PPP2R2B: variants seen among roughly 807,000 people sequenced by gnomAD.
PPP2R2B encodes the protein serine/threonine-protein phosphatase 2A 55 kDa regulatory subunit B beta isoform.
A neutral mutation model predicts 46.0 loss-of-function variants in PPP2R2B; 5 were observed. The ratio of observed to expected loss-of-function variants is 0.11; its 90% CI spans 0.06 to 0.23. The LOEUF is 0.23. Ranked by LOEUF, PPP2R2B falls within the 10% of genes least tolerant of loss-of-function variation. PPP2R2B has a pLI of 1.00. For synonymous variants in PPP2R2B, 215 were observed against 206.7 expected, an observed-to-expected ratio of 1.04 and a Z score of -0.34; for missense variants, 367 against 575.0, an observed-to-expected ratio of 0.64 and a Z score of 3.70.
intron 2 of PPP2R2B, among the ~76,000 whole-genome samples, chr5:146,822,001 C>T (rs10052621): frequency 0.011 from 1,604 of 152,304 alleles, 20 homozygotes; most frequent in African/African-American, 0.037. Context: ...CCAAGTAAGA[C>T]TAGAACTCAG....
chr5:146,766,280 T>C (rs1754471373), intron 2 of PPP2R2B, among the ~76,000 whole-genome samples: 1 of 152,168 alleles, frequency 6.6e-6, no homozygotes, highest in South Asian at 2.1e-4. Context: ...ATTCCAGTAT[T>C]TTTAGGTTTA....
At chr5:146,936,358 TC>T (rs1052716135) in intron 1 of PPP2R2B, among the ~76,000 whole-genome samples, 3 of 151,254 alleles carry the variant, frequency 2.0e-5, no homozygotes, top group Non-Finnish European at 4.4e-5. Context: ...ATCATCCCAC[TC>T]CCCCTCTGAG....
chr5:146,651,045 A>C (rs1202538126), intron 5 of PPP2R2B, among the ~76,000 whole-genome samples: 1 of 152,092 alleles, frequency 6.6e-6, no homozygotes, highest in Non-Finnish European at 1.5e-5. Context: ...CCTTCCAGAG[A>C]CATTGTTCTA....
At chr5:146,691,372 G>A (rs556675157) in intron 4 of PPP2R2B, 132 bp from the exon 5 acceptor site, 414 of 653,984 alleles carry the variant, frequency 6.3e-4, no homozygotes, top group Non-Finnish European at 1.0e-3. Flanking sequence ...TCACATAAAC[G>A]TTTGGCGTGC....
At position 146,626,352 on chromosome 5, in the gene PPP2R2B, A is replaced by G. The variant is rs767253903; in HGVS notation, c.790+11899T>C. On this transcript the variant is annotated intron_variant, in intron 7 of 9. Transcript: ENST00000394411. ...ATTCCCACCTTGTTATGATACTTAT[A>G]TGAATGTTAAAAGATTAATTCCTTG... is the stretch of plus-strand genomic sequence containing the variant. Among the ~76,000 whole-genome samples, 4 of 152,256 alleles carry G rather than the reference A, an allele frequency of 2.6e-5. No homozygotes were observed. In the South Asian group the frequency reaches 8.3e-4, roughly 32 times the overall value.
At chr5:147,043,058 T>G (rs1756388394) in intron 1 of PPP2R2B, among the ~76,000 whole-genome samples, 1 of 152,142 alleles carries the variant, frequency 6.6e-6, no homozygotes, top group South Asian at 2.1e-4. Context: ...CTATACAGTC[T>G]GGATTGTGGA....
At chr5:146,797,619 G>T (rs922383969) in intron 2 of PPP2R2B, among the ~76,000 whole-genome samples, 1 of 152,292 alleles carries the variant, frequency 6.6e-6, no homozygotes, top group Non-Finnish European at 1.5e-5. Context: ...TATCTACTGG[G>T]CATCTCCGAC....
intron 2 of PPP2R2B, among the ~76,000 whole-genome samples, chr5:147,076,546 T>A (rs1228619958): frequency 6.6e-6 from 1 of 152,160 alleles, no homozygotes; most frequent in Non-Finnish European, 1.5e-5. Flanking sequence ...ATATATTGTT[T>A]AAGTAATCAG....
intron 1 of PPP2R2B, among the ~76,000 whole-genome samples, chr5:146,928,664 C>T (rs1347688590): frequency 6.6e-6 from 1 of 152,138 alleles, no homozygotes; most frequent in Non-Finnish European, 1.5e-5. Context: ...CTCTCATATT[C>T]CATACTCAAC....
intron 2 of PPP2R2B, among the ~76,000 whole-genome samples, chr5:146,746,197 T>A (rs1753182032): frequency 6.6e-6 from 1 of 152,182 alleles, no homozygotes; most frequent in Admixed American, 6.5e-5. Context: ...TCCACCACTG[T>A]GCATAATCCT....
intron 1 of PPP2R2B, among the ~76,000 whole-genome samples, chr5:146,966,556 A>G (rs887281922): frequency 6.6e-6 from 1 of 152,122 alleles, no homozygotes; most frequent in African/African-American, 2.4e-5. Flanking sequence ...ATACCATTTT[A>G]TTTTATGCAA....
At chr5:146,812,724 TTA>T (rs764543835) in intron 2 of PPP2R2B, among the ~76,000 whole-genome samples, 291 of 15,044 alleles carry the variant, frequency 0.019, 40 homozygotes, top group African/African-American at 0.037. Flanking sequence ...TAGAGTTACT[TTA>T]TATATATATA....
rs182225405 is a variant in PPP2R2B at position 146,630,685 on chromosome 5, G to A, written c.790+7566C>T. 2.0e-4 allele frequency among the ~76,000 whole-genome samples: 30 copies of A among 152,302 alleles called. 1 individual carries two copies. The East Asian group carries it at 3.1e-3, about 16-fold the overall frequency. Reference sequence around the variant, plus strand: ...CAGTAAAATGTCATGGAAGTTAGCTGTGAATACGGCTGTTGACATTACTAC... The same window carrying A: ...CAGTAAAATGTCATGGAAGTTAGCTATGAATACGGCTGTTGACATTACTAC... On this transcript the variant is annotated intron_variant, in intron 7 of 9. Transcript: ENST00000394411.
chr5:146,644,504 T>C (rs899515286), intron 6 of PPP2R2B, among the ~76,000 whole-genome samples: 5 of 152,152 alleles, frequency 3.3e-5, no homozygotes, highest in Non-Finnish European at 7.4e-5. Context: ...CATTAAAAAA[T>C]AGCAGTTTCC....
chr5:146,692,162 T>G (rs1207289029), intron 4 of PPP2R2B, among the ~76,000 whole-genome samples: 1 of 152,234 alleles, frequency 6.6e-6, no homozygotes, highest in East Asian at 1.9e-4. Flanking sequence ...ACACAATAGC[T>G]GCTCAATAAA....
chr5:146,841,024 T>C (rs1229152595), intron 2 of PPP2R2B, among the ~76,000 whole-genome samples: 1 of 151,928 alleles, frequency 6.6e-6, no homozygotes, highest in Non-Finnish European at 1.5e-5. Context: ...TGAACTAGAG[T>C]CTCTAATGTA....
At chr5:147,078,613 C>A (rs1370975555) in intron 2 of PPP2R2B, among the ~76,000 whole-genome samples, 1 of 151,898 alleles carries the variant, frequency 6.6e-6, no homozygotes. Flanking sequence ...CGGTGAAACC[C>A]CATCTCTACT....
At chr5:146,814,755 C>T (rs769639929) in intron 2 of PPP2R2B, among the ~76,000 whole-genome samples, 2 of 152,218 alleles carry the variant, frequency 1.3e-5, no homozygotes, top group African/African-American at 2.4e-5. Flanking sequence ...GCAGACAGCC[C>T]ACCCCAAGGG....
At chr5:146,748,575 A>G (rs922173761) in intron 2 of PPP2R2B, among the ~76,000 whole-genome samples, 10 of 152,268 alleles carry the variant, frequency 6.6e-5, no homozygotes, top group African/African-American at 2.4e-4. Flanking sequence ...GAAATCATAA[A>G]AATGGAGAAC....
Sources: allele counts gnomAD v4.1 joint callset (sites outside exome capture counted in the v4.1 genomes callset), GRCh38; gene constraint gnomAD v4.1.1; transcripts MANE v1.5; gene names NCBI Gene and HGNC (gene_info 2026-07-23, HGNC 2026-07-21).